The following GRM7 variants were observed in gnomAD, a reference collection of about 807,000 sequenced individuals.
GRM7 encodes the protein glutamate metabotropic receptor 7, also known as metabotropic glutamate receptor 7.
A neutral mutation model predicts 84.5 loss-of-function variants in GRM7; 35 were observed. The ratio of observed to expected loss-of-function variants is 0.41; its 90% CI spans 0.32 to 0.55. The LOEUF is 0.55. Among genes scored for constraint, GRM7 ranks in the 20% least tolerant of loss-of-function variants. The pLI is 0.19. For synonymous variants in GRM7, 487 were observed against 455.1 expected (o/e 1.07, Z -0.89); for missense variants, 1,003 against 1,194.6 (o/e 0.84, Z 2.36).
rs73013681 is a variant in GRM7, at chr3:7,394,288, T to G, written c.1034-20735T>G. On this transcript the variant is annotated intron_variant, in intron 4 of 9. Coordinates refer to ENST00000357716, the MANE Select transcript of GRM7 (RefSeq NM_000844.4). Reference sequence around the variant, plus strand: ...TACTCAGATATCTCCAAATGGTAGATTCACACAGCATTTCTTCTGCTCGTT... The same window carrying G: ...TACTCAGATATCTCCAAATGGTAGAGTCACACAGCATTTCTTCTGCTCGTT... Among the ~76,000 whole-genome samples, 302 of 152,342 alleles carry G rather than the reference T, an allele frequency of 2.0e-3. 1 individual carries two copies. The highest frequency in any genetic ancestry group is 3.2e-3 in the Non-Finnish European group (218 of 68,026).
rs542011836 is a variant in GRM7 at position 7,099,852 on chromosome 3, A to G, written c.520-46600A>G. On this transcript the variant is annotated intron_variant, in intron 1 of 9. Transcript: ENST00000357716. ...ACATGTATATGTACACGCATTATAC[A>G]TGTGCACATATATGTATATGTACAC... 1.4e-5 allele frequency among the ~76,000 whole-genome samples: 2 copies of G among 139,430 alleles called. 1 individual carries two copies. The highest frequency in any genetic ancestry group is 5.7e-5 in the African/African-American group (2 of 34,964). The allele number at this position is 139,430 out of a possible 152,430, so 91.5% of individuals were successfully genotyped here. A position where few individuals can be genotyped will look rare whatever the true frequency, so the allele number is the denominator to read the frequency against.
At chr3:7,575,281 T>C (rs1559413665) in intron 7 of GRM7, among the ~76,000 whole-genome samples, 1 of 152,142 alleles carries the variant, frequency 6.6e-6, no homozygotes, top group Non-Finnish European at 1.5e-5. Context: ...TATGGAGAAA[T>C]GTAAACTTGC....
chr3:7,255,242 T>C (rs1172035922), intron 2 of GRM7, among the ~76,000 whole-genome samples: 1 of 152,230 alleles, frequency 6.6e-6, no homozygotes, highest in Non-Finnish European at 1.5e-5. Context: ...CAAATCCTTT[T>C]ACAAATTGGA....
chr3:7,719,369 A>G (rs1701865584), intron 9 of GRM7, among the ~76,000 whole-genome samples: 1 of 152,200 alleles, frequency 6.6e-6, no homozygotes, highest in Non-Finnish European at 1.5e-5. Flanking sequence ...TTGCAAAAAT[A>G]TAGTCTTCTT....
intron 2 of GRM7, among the ~76,000 whole-genome samples, chr3:7,181,780 A>AT (rs1357617856): frequency 1.3e-5 from 2 of 151,408 alleles, no homozygotes; most frequent in Non-Finnish European, 2.9e-5. Flanking sequence ...AGTTATTTTT[A>AT]TTTTTTATTT....
At chr3:6,896,393 T>A (rs1174866405) in intron 1 of GRM7, among the ~76,000 whole-genome samples, 3 of 152,210 alleles carry the variant, frequency 2.0e-5, no homozygotes, top group Middle Eastern at 3.2e-3. Flanking sequence ...AATGAACATT[T>A]GATTTTCAGG....
chr3:6,985,939 T>C (rs1694393231), intron 1 of GRM7, among the ~76,000 whole-genome samples: 1 of 152,212 alleles, frequency 6.6e-6, no homozygotes, highest in Non-Finnish European at 1.5e-5. Context: ...CCACTAATAT[T>C]TTTGGGTTTT....
chr3:7,614,264 CTAAA>C (rs539993841), intron 8 of GRM7, among the ~76,000 whole-genome samples: 1 of 151,980 alleles, frequency 6.6e-6, no homozygotes, highest in African/African-American at 2.4e-5. Flanking sequence ...GACTCTGTCT[CTAAA>C]TAAATAAATA....
At chr3:7,369,581 G>A (rs1291873818) in intron 4 of GRM7, among the ~76,000 whole-genome samples, 1 of 152,108 alleles carries the variant, frequency 6.6e-6, no homozygotes, top group Non-Finnish European at 1.5e-5. Flanking sequence ...GAAAGAAGGG[G>A]AATGGATGGT....
At chr3:7,263,229 C>CA (rs745432206) in intron 2 of GRM7, among the ~76,000 whole-genome samples, 7 of 152,154 alleles carry the variant, frequency 4.6e-5, no homozygotes, top group Admixed American at 1.3e-4. Context: ...CCTGTTCTTA[C>CA]TCTGGGGGAC....
rs748516298 is a variant in GRM7 at position 7,014,409 on chromosome 3, C to T, written c.520-132043C>T. Reference sequence around the variant, plus strand: ...AGGCTAAAGTGCAGTGGTGCAATGTCAGCTCACTGCAACCTCAGCCTCCAG... The same window carrying T: ...AGGCTAAAGTGCAGTGGTGCAATGTTAGCTCACTGCAACCTCAGCCTCCAG... On this transcript the variant is annotated intron_variant, in intron 1 of 9. Transcript: ENST00000357716. 9.9e-5 allele frequency among the ~76,000 whole-genome samples: 15 copies of T among 152,102 alleles called. 1 individual carries two copies. Among genetic ancestry groups the T allele is most frequent in the Non-Finnish European group, 1.9e-4 (13 of 67,990 alleles).
intron 1 of GRM7, among the ~76,000 whole-genome samples, chr3:6,950,569 G>C (rs540120935): frequency 1.3e-5 from 2 of 152,188 alleles, no homozygotes; most frequent in Admixed American, 6.5e-5. Flanking sequence ...GAGAACCACT[G>C]CTCTCTTCAA....
chr3:7,590,405 G>A (rs1485153701), intron 8 of GRM7, among the ~76,000 whole-genome samples: 2 of 151,848 alleles, frequency 1.3e-5, no homozygotes, highest in Non-Finnish European at 2.9e-5. Flanking sequence ...ATTCATCTAC[G>A]TACTGCCTAT....
intron 2 of GRM7, among the ~76,000 whole-genome samples, chr3:7,294,042 A>G (rs1699729303): frequency 6.6e-6 from 1 of 152,194 alleles, no homozygotes; most frequent in Non-Finnish European, 1.5e-5. Context: ...TTACCACGTT[A>G]ATAGCCAATC....
rs755583371 is a variant in GRM7, at chr3:7,101,226, C to T, written c.520-45226C>T. Among the ~76,000 whole-genome samples, 3 of 151,664 alleles carry T rather than the reference C, an allele frequency of 2.0e-5. No homozygotes were observed. In the East Asian group the frequency reaches 5.8e-4, roughly 29 times the overall value. The stretch of plus-strand genomic sequence containing the variant: ...CATTTTTTTATTCCCGCAGACAATC[C>T]GTGAGAGTTCCAATTGCACCACAGA... On this transcript the variant is annotated intron_variant, in intron 1 of 9. Coordinates refer to ENST00000357716, the MANE Select transcript of GRM7 (RefSeq NM_000844.4).
At chr3:7,677,730 G>C (rs898948838) in intron 8 of GRM7, among the ~76,000 whole-genome samples, 2 of 152,142 alleles carry the variant, frequency 1.3e-5, no homozygotes, top group Admixed American at 1.3e-4. Context: ...AAATTGCTAA[G>C]TAGTCTTTGT....
intron 1 of GRM7, among the ~76,000 whole-genome samples, chr3:6,882,160 C>G (rs983772182): frequency 1.3e-5 from 2 of 152,024 alleles, no homozygotes; most frequent in Admixed American, 6.6e-5. Flanking sequence ...TACCTAGACC[C>G]TAACAGTTTT....
intron 1 of GRM7, among the ~76,000 whole-genome samples, chr3:6,963,542 T>A (rs1188593987): frequency 6.6e-6 from 1 of 152,102 alleles, no homozygotes; most frequent in Middle Eastern, 3.2e-3. Context: ...GGAGAATTGC[T>A]TGAGCCCAGG....
chr3:7,550,254 C>G (rs1235213089), intron 7 of GRM7, among the ~76,000 whole-genome samples: 1 of 151,314 alleles, frequency 6.6e-6, no homozygotes, highest in Non-Finnish European at 1.5e-5. Flanking sequence ...TTTCTCTCCT[C>G]CTCCTCCTCT....
Sources: gnomAD v4.1 joint callset for allele counts (sites outside exome capture counted in the v4.1 genomes callset) on GRCh38, gnomAD v4.1.1 for gene constraint, MANE v1.5 for transcripts, NCBI Gene and HGNC (gene_info 2026-07-23, HGNC 2026-07-21) for gene names.